Variants in MACROH2A2 observed in about 807,000 individuals in gnomAD.
MACROH2A2 encodes the protein core histone macro-H2A.2.
Under a neutral mutation model 37.6 loss-of-function variants are expected in MACROH2A2, and 6 were observed. The ratio of observed to expected loss-of-function variants is 0.16; its 90% CI spans 0.09 to 0.32. The LOEUF is 0.32. MACROH2A2 is among the 10% of genes least tolerant of loss of function. MACROH2A2 has a pLI of 1.00. For missense variants in MACROH2A2, 290 were observed against 485.9 expected, an observed-to-expected ratio of 0.60 and a Z score of 3.79; for synonymous variants, 192 against 202.7, an observed-to-expected ratio of 0.95 and a Z score of 0.45.
At chr10:70,092,241 C>T (rs546741129) in intron 4 of MACROH2A2, among the ~76,000 whole-genome samples, 57 of 152,144 alleles carry the variant, frequency 3.7e-4, no homozygotes, top group Non-Finnish European at 6.9e-4. Flanking sequence ...AACCTGCCTG[C>T]GCCAAGGACT....
intron 4 of MACROH2A2, 27 bp downstream of exon 4, chr10:70,091,981 C>T (rs773861171): frequency 6.4e-7 from 1 of 1,573,502 alleles, no homozygotes; most frequent in Non-Finnish European, 8.7e-7. Flanking sequence ...TGTCCTGGGC[C>T]AGGCACTCCC....
At chr10:70,105,573 C>A (rs995220409) in intron 7 of MACROH2A2, among the ~76,000 whole-genome samples, 6 of 152,072 alleles carry the variant, frequency 3.9e-5, no homozygotes, top group Non-Finnish European at 5.9e-5. Flanking sequence ...ATGAAGGGAG[C>A]CTGGGAGGAC....
rs2071987249 is a variant in MACROH2A2, at chr10:70,053,312, G to T, written c.-60+312G>T. 6.6e-6 allele frequency among the ~76,000 whole-genome samples: 1 copy of T among 152,120 alleles called. No individual in the cohort carries two copies. The highest frequency in any genetic ancestry group is 2.1e-4 in the South Asian group (1 of 4,828). ...GGAGGGATGCGAGGTTCAGCAGCGGGCCCCAGGCGAGGCTGGACCCGGAGG... is the reference window on the plus strand; with the variant it reads ...GGAGGGATGCGAGGTTCAGCAGCGGTCCCCAGGCGAGGCTGGACCCGGAGG... On this transcript the variant is annotated intron_variant, in intron 1 of 8. Transcript: ENST00000373255. The surrounding 1 kb of genome is among the most constrained non-coding windows in gnomAD (Gnocchi z 4.8).
At position 70,100,281 on chromosome 10, in the gene MACROH2A2, T is replaced by C; in HGVS notation, c.762T>C (p.Pro254=). The C allele has an allele frequency of 6.2e-7, 1 of 1,602,846 alleles. No individual in the cohort carries two copies. Among genetic ancestry groups the C allele is most frequent in the East Asian group, 2.2e-5 (1 of 44,828 alleles). ...AGGAGCTTCGCAAATCCCAAGGCCCTTTGGAAGTCGCCGAAGGTAAGTGTG... is the reference window on the plus strand; with the variant it reads ...AGGAGCTTCGCAAATCCCAAGGCCCCTTGGAAGTCGCCGAAGGTAAGTGTG... ...TVKELRKSQG[P]LEVAEAAVSQ... is the part of the protein sequence containing the mutation. The change falls in exon 7 of 9, where the codon CCT becomes CCC. Residue 254 remains proline, a synonymous_variant. Transcript: ENST00000373255.
At chr10:70,079,828 T>C (rs1410639260) in intron 2 of MACROH2A2, among the ~76,000 whole-genome samples, 2 of 152,196 alleles carry the variant, frequency 1.3e-5, no homozygotes, top group Admixed American at 6.5e-5. Flanking sequence ...CGGAGTCAGC[T>C]CCACTCCATA....
chr10:70,082,983 CT>C (rs11287364), intron 2 of MACROH2A2, among the ~76,000 whole-genome samples: 27,439 of 143,490 alleles, frequency 0.19, 2,695 homozygotes, highest in East Asian at 0.45. Flanking sequence ...GTATGTTTTC[CT>C]TTTTTTTTTT....
Position 70,091,933 on chromosome 10 carries a change from C to T in MACROH2A2, c.456C>T (p.Ala152=). The T allele has an allele frequency of 2.5e-6, 4 of 1,613,662 alleles. No homozygotes were observed. Among genetic ancestry groups the T allele is most frequent in the Non-Finnish European group, 3.4e-6 (4 of 1,179,970 alleles). The part of the protein sequence containing the change: ...GKKGGKKSKA[A]KPRTSKKSKP... Reference sequence around the variant, plus strand: ...AGGGGGGGAAGAAATCCAAGGCTGCCAAACCACGGACGTCCAAAAAGGTAG... The same window carrying T: ...AGGGGGGGAAGAAATCCAAGGCTGCTAAACCACGGACGTCCAAAAAGGTAG... Residue 152 remains alanine, a synonymous_variant, in exon 4 of 9, where the codon GCC becomes GCT. Transcript: ENST00000373255.
intron 5 of MACROH2A2, 125 bp from the exon 6 acceptor site, chr10:70,095,529 A>G: frequency 1.6e-6 from 1 of 610,998 alleles, no homozygotes; most frequent in Non-Finnish European, 2.9e-6. Flanking sequence ...GTCACTCTCT[A>G]TGCAGCCCCT....
chr10:70,091,634 A>T, intron 3 of MACROH2A2, 123 bp from the exon 4 acceptor site: 1 of 672,172 alleles, frequency 1.5e-6, no homozygotes, highest in Non-Finnish European at 2.5e-6. Flanking sequence ...AGATCGCGCC[A>T]CTGCACTCCA....
chr10:70,087,238 T>TC (rs1351608649), intron 2 of MACROH2A2, among the ~76,000 whole-genome samples: 2 of 101,756 alleles, frequency 2.0e-5, no homozygotes, highest in African/African-American at 3.9e-5. Context: ...TCTTTCTTCT[T>TC]TTTTTTTTTT....
rs1223990343 is a variant in MACROH2A2, at chr10:70,107,476, G to A, written c.779-1557G>A. On this transcript the variant is annotated intron_variant, in intron 7 of 8. Coordinates refer to ENST00000373255, the MANE Select transcript of MACROH2A2 (RefSeq NM_018649.3). The surrounding 1 kb of genome is among the most constrained non-coding windows in gnomAD (Gnocchi z 4.4). ...TTCCTGGGTTCCTGGAGGGGCACAGGGCGCAGACGGGCAGCGTGGGGGCAA... is the reference window on the plus strand; with the variant it reads ...TTCCTGGGTTCCTGGAGGGGCACAGAGCGCAGACGGGCAGCGTGGGGGCAA... 6.6e-6 allele frequency among the ~76,000 whole-genome samples: 1 copy of A among 152,172 alleles called. No homozygotes were observed. Among genetic ancestry groups the A allele is most frequent in the Non-Finnish European group, 1.5e-5 (1 of 68,020 alleles).
intron 1 of MACROH2A2, among the ~76,000 whole-genome samples, chr10:70,059,292 C>A (rs2072036770): frequency 6.6e-6 from 1 of 152,076 alleles, no homozygotes; most frequent in African/African-American, 2.4e-5. Context: ...AGGTGGCGAC[C>A]AAGCTGTTGA....
intron 7 of MACROH2A2, among the ~76,000 whole-genome samples, chr10:70,100,646 T>C (rs1211082331): frequency 6.7e-6 from 1 of 148,268 alleles, no homozygotes; most frequent in African/African-American, 2.5e-5. Flanking sequence ...AGAAAGAGTC[T>C]CACTCTGTCG....
In MACROH2A2 at chr10:70,092,983, A is replaced by G. The variant is rs146477288; in HGVS notation, c.478-752A>G. ...AATGTTTTCCTATGTTGCCCAGTAC[A>G]GTAACCACTGGTCACATGTGGCTTT... On this transcript the variant is annotated intron_variant, in intron 4 of 8. Transcript: ENST00000373255. 1.8e-4 allele frequency among the ~76,000 whole-genome samples: 27 copies of G among 151,480 alleles called. No homozygotes were observed. The East Asian group carries it at 5.2e-3, about 29-fold the overall frequency.
chr10:70,098,242 C>T (rs1324223920), intron 6 of MACROH2A2: 1 of 146,576 alleles, frequency 6.8e-6, no homozygotes, highest in Non-Finnish European at 1.5e-5. Flanking sequence ...CAGAGTGAGA[C>T]CATGTCAAGA....
chr10:70,111,043 C>T (rs998762096), intron 8 of MACROH2A2, among the ~76,000 whole-genome samples: 6 of 151,918 alleles, frequency 3.9e-5, no homozygotes, highest in Non-Finnish European at 2.9e-5. Flanking sequence ...CCGAGGCAGG[C>T]GGATCACCTG....
chr10:70,078,089 G>T (rs1470162357), intron 2 of MACROH2A2, among the ~76,000 whole-genome samples: 1 of 152,204 alleles, frequency 6.6e-6, no homozygotes, highest in African/African-American at 2.4e-5. Flanking sequence ...TCTAATCCGT[G>T]CATATACAAA....
chr10:70,079,540 A>G (rs1255157594), intron 2 of MACROH2A2, among the ~76,000 whole-genome samples: 1 of 147,780 alleles, frequency 6.8e-6, no homozygotes, highest in Non-Finnish European at 1.5e-5. Flanking sequence ...CTTGAAGGCC[A>G]CGTTGAGGGT....
intron 1 of MACROH2A2, among the ~76,000 whole-genome samples, chr10:70,068,117 T>C (rs1295227690): frequency 2.0e-5 from 3 of 150,972 alleles, no homozygotes; most frequent in Non-Finnish European, 3.0e-5. Context: ...TTTTTTTTTT[T>C]ACTATGTGCA....
Sources: gnomAD v4.1 joint callset for allele counts (sites outside exome capture counted in the v4.1 genomes callset) on GRCh38, gnomAD v4.1.1 for gene constraint, Gnocchi (gnomAD v3.1) non-coding constraint, MANE v1.5 for transcripts, NCBI Gene and HGNC (gene_info 2026-07-23, HGNC 2026-07-21) for gene names.